BNC2: variants seen among roughly 807,000 people sequenced by gnomAD.
BNC2 encodes the protein basonuclin zinc finger protein 2.
Under a neutral mutation model 76.3 loss-of-function variants are expected in BNC2, and 20 were observed. The ratio of observed to expected loss-of-function variants is 0.26; its 90% CI spans 0.18 to 0.38. The LOEUF is 0.38. BNC2 is among the 10% of genes least tolerant of loss of function. The pLI, the probability that BNC2 is intolerant of heterozygous loss-of-function variation, is 1.00. For missense variants in BNC2, 1,382 were observed against 1,399.8 expected (o/e 0.99, Z 0.20); for synonymous variants, 582 against 514.8 (o/e 1.13, Z -1.77).
intron 3 of BNC2, among the ~76,000 whole-genome samples, chr9:16,705,882 AT>A (rs1226036778): frequency 4.6e-5 from 7 of 152,228 alleles, no homozygotes. Context: ...AAGGGATTGA[AT>A]CCTAAAACAC....
At chr9:16,802,039 G>A (rs946192579) in intron 1 of BNC2, among the ~76,000 whole-genome samples, 5 of 152,034 alleles carry the variant, frequency 3.3e-5, no homozygotes, top group Non-Finnish European at 7.3e-5. Flanking sequence ...TATGCCACAC[G>A]CCTGCTTCGT....
chr9:16,416,748 A>C lies in BNC2; in HGVS notation c.*2241T>G, dbSNP rs907515915. On this transcript the variant is annotated 3_prime_UTR_variant, in exon 7 of 7. Transcript: ENST00000380672. ...AGGTGAAAAGATAAAGCTCCTAGAC[A>C]TAGCTAGCTTATCTTTAAGAATCTA... is the stretch of plus-strand genomic sequence containing the variant. 3 of 152,658 alleles carry C rather than the reference A, an allele frequency of 2.0e-5. No individual in the cohort carries two copies. The highest frequency in any genetic ancestry group is 7.2e-5 in the African/African-American group (3 of 41,472). 9.5% of individuals were successfully genotyped at this position (152,658 alleles called of 1,614,324 possible). A position where few individuals can be genotyped will look rare whatever the true frequency, so the allele number is the denominator to read the frequency against.
intron 3 of BNC2, chr9:16,665,196 C>T: frequency 2.5e-6 from 1 of 396,038 alleles, no homozygotes; most frequent in Non-Finnish European, 4.9e-6. Flanking sequence ...AGGTGAAATC[C>T]TGTTTCTACT....
chr9:16,666,201 C>G (rs1266801626), intron 3 of BNC2, among the ~76,000 whole-genome samples: 1 of 152,018 alleles, frequency 6.6e-6, no homozygotes, highest in Non-Finnish European at 1.5e-5. Flanking sequence ...CTATGAAGAG[C>G]TACCTTCTAA....
At position 16,439,888 on chromosome 9, in the gene BNC2, C is replaced by T. The variant is rs1821091448; in HGVS notation, c.670-2364G>A. Among the ~76,000 whole-genome samples, 3 of 152,122 alleles carry T rather than the reference C, an allele frequency of 2.0e-5. No homozygotes were observed. In the South Asian group the frequency reaches 6.2e-4, roughly 32 times the overall value. On this transcript the variant is annotated intron_variant, in intron 5 of 6. Coordinates refer to ENST00000380672, the MANE Select transcript of BNC2 (RefSeq NM_017637.6). ...CCTTCATCATGTAGATAGAATTGGC[C>T]TTCAGATCAAATACTCTTATACAAC...
chr9:16,599,912 A>C (rs2133284176), intron 3 of BNC2, among the ~76,000 whole-genome samples: 1 of 152,360 alleles, frequency 6.6e-6, no homozygotes, highest in African/African-American at 2.4e-5. Flanking sequence ...CCATAGGACA[A>C]GCCAATATAT....
intron 3 of BNC2, among the ~76,000 whole-genome samples, chr9:16,588,655 T>G (rs888902632): frequency 3.9e-5 from 6 of 152,180 alleles, no homozygotes; most frequent in Admixed American, 3.3e-4. Context: ...TAATCAATGT[T>G]TGGTCAGTAA....
At chr9:16,813,532 C>T (rs888764108) in intron 1 of BNC2, among the ~76,000 whole-genome samples, 7 of 151,940 alleles carry the variant, frequency 4.6e-5, no homozygotes, top group African/African-American at 1.7e-4. Context: ...CCCAAAGTGC[C>T]GGGATTACAG....
At chr9:16,616,642 T>C (rs375205570) in intron 3 of BNC2, among the ~76,000 whole-genome samples, 1 of 150,976 alleles carries the variant, frequency 6.6e-6, no homozygotes, top group Non-Finnish European at 1.5e-5. Flanking sequence ...GGAGCTGAGA[T>C]TGTGGCACTT....
intron 3 of BNC2, among the ~76,000 whole-genome samples, chr9:16,635,019 G>A (rs7019299): frequency 0.33 from 50,436 of 151,898 alleles, 8,626 homozygotes; most frequent in Non-Finnish European, 0.36. Context: ...ATTACATACC[G>A]TATACTCCAT....
At chr9:16,661,914 T>A (rs1822121582) in intron 3 of BNC2, among the ~76,000 whole-genome samples, 1 of 152,210 alleles carries the variant, frequency 6.6e-6, no homozygotes, top group African/African-American at 2.4e-5. Flanking sequence ...CTTAGACAAC[T>A]CCTTAGCATC....
chr9:16,419,242 C>T lies in BNC2; in HGVS notation c.3047G>A (p.Gly1016Glu). 1 of 1,614,188 alleles carries T rather than the reference C, an allele frequency of 6.2e-7. No homozygotes were observed. Among genetic ancestry groups the T allele is most frequent in the Non-Finnish European group, 8.5e-7 (1 of 1,180,042 alleles). The change falls in exon 7 of 7, where the codon GGG (glycine) becomes GAG (glutamate). Residue 1016 changes from glycine (G) to glutamate (E), a missense_variant. Transcript: ENST00000380672. ...AEAPALPGSL[G>E]AEVSGSLMFS... Reference sequence around the variant, plus strand: ...CATAAGAGATCCTGAAACTTCAGCCCCTAGGCTGCCAGGGAGGGCAGGGGC... The same window carrying T: ...CATAAGAGATCCTGAAACTTCAGCCTCTAGGCTGCCAGGGAGGGCAGGGGC...
rs1031022178 is a variant in BNC2 at position 16,458,977 on chromosome 9, A to G, written c.670-21453T>C. Among the ~76,000 whole-genome samples, 7 of 152,334 alleles carry G rather than the reference A, an allele frequency of 4.6e-5. No homozygotes were observed. In the East Asian group the frequency reaches 1.2e-3, roughly 25 times the overall value. ...AAGAGCACCCCTGTTGAGGAGGGAC[A>G]TGGCAAAAGAAAACACATTCCTTCC... On this transcript the variant is annotated intron_variant, in intron 5 of 6. Transcript: ENST00000380672.
chr9:16,833,140 A>G (rs1818621882), intron 1 of BNC2, among the ~76,000 whole-genome samples: 1 of 152,096 alleles, frequency 6.6e-6, no homozygotes, highest in African/African-American at 2.4e-5. Flanking sequence ...GGAAAGTGAT[A>G]TGCTTCCTAC....
At chr9:16,773,142 C>G (rs1037987811) in intron 1 of BNC2, among the ~76,000 whole-genome samples, 4 of 152,154 alleles carry the variant, frequency 2.6e-5, no homozygotes, top group Non-Finnish European at 5.9e-5. Flanking sequence ...TCAAGGGACA[C>G]TCTTGCCCAG....
At chr9:16,657,300 T>C (rs1821957663) in intron 3 of BNC2, among the ~76,000 whole-genome samples, 2 of 152,032 alleles carry the variant, frequency 1.3e-5, no homozygotes, top group African/African-American at 4.8e-5. Context: ...AAAATAAAGA[T>C]TGAACTGGAA....
At chr9:16,748,524 AAAG>A (rs1825077271) in intron 1 of BNC2, among the ~76,000 whole-genome samples, 1 of 151,406 alleles carries the variant, frequency 6.6e-6, no homozygotes, top group African/African-American at 2.4e-5. Context: ...AAACATTTAA[AAAG>A]AAGGAATCCA....
At chr9:16,831,543 A>G (rs1326526198) in intron 1 of BNC2, among the ~76,000 whole-genome samples, 1 of 152,160 alleles carries the variant, frequency 6.6e-6, no homozygotes, top group Non-Finnish European at 1.5e-5. Flanking sequence ...TTTTTCAGTG[A>G]GAGGTTTTCT....
At chr9:16,812,327 G>C (rs566334956) in intron 1 of BNC2, among the ~76,000 whole-genome samples, 1 of 152,236 alleles carries the variant, frequency 6.6e-6, no homozygotes, top group African/African-American at 2.4e-5. Flanking sequence ...TCCACCAGCA[G>C]TCCCATCTGC....
Sources: allele counts gnomAD v4.1 joint callset (sites outside exome capture counted in the v4.1 genomes callset), GRCh38; gene constraint gnomAD v4.1.1; transcripts MANE v1.5; gene names NCBI Gene and HGNC (gene_info 2026-07-23, HGNC 2026-07-21).